Variants in CD96 observed in about 807,000 individuals in gnomAD.
CD96 encodes the protein CD96 molecule.
A neutral mutation model predicts 71.3 loss-of-function variants in CD96; 70 were observed. That is an observed-to-expected ratio of 0.98 (90% CI 0.81 to 1.20). CD96 has a LOEUF of 1.20. CD96 is among the 50% of genes most tolerant of loss of function. The pLI is 0.00. For synonymous variants in CD96, 248 were observed against 233.0 expected, an observed-to-expected ratio of 1.06 and a Z score of -0.59; for missense variants, 742 against 677.5, an observed-to-expected ratio of 1.10 and a Z score of -1.06.
At chr3:111,624,453 A>G (rs1256408297) in intron 10 of CD96, 49 bp downstream of exon 10, 4 of 1,006,068 alleles carry the variant, frequency 4.0e-6, no homozygotes, top group African/African-American at 3.2e-5. Context: ...TCAGTCATTC[A>G]TCCGACAGAT....
At chr3:111,597,234 A>G (rs1430616218) in intron 5 of CD96, among the ~76,000 whole-genome samples, 1 of 152,238 alleles carries the variant, frequency 6.6e-6, no homozygotes, top group Admixed American at 6.5e-5. Context: ...AAAAGGAATT[A>G]TAATTTTGAA....
chr3:111,594,211 T>C (rs1268633556), intron 5 of CD96: 1 of 1,574,176 alleles, frequency 6.4e-7, no homozygotes, highest in Admixed American at 1.8e-5. Flanking sequence ...TGTCACCTCT[T>C]CTACAGCGTT....
chr3:111,649,914 T>G lies in CD96; in HGVS notation c.*108T>G, dbSNP rs576016406. ...TCTTCAGCCATGCCTTTGCTGCAGC[T>G]GAAATGGAAGTCAGAAGTGAGTGAC... On this transcript the variant is annotated 3_prime_UTR_variant, in exon 14 of 14. Transcript: ENST00000352690. 5 of 794,014 alleles carry G rather than the reference T, an allele frequency of 6.3e-6. No individual in the cohort carries two copies. Among genetic ancestry groups the G allele is most frequent in the South Asian group, 4.2e-5 (3 of 71,514 alleles). The allele number at this position is 794,014 out of a possible 1,614,324, so 49.2% of individuals were successfully genotyped here. A position where few individuals can be genotyped will look rare whatever the true frequency, so the allele number is the denominator to read the frequency against.
chr3:111,662,431 T>C (rs1269002384), intron 14 of CD96, among the ~76,000 whole-genome samples: 2 of 152,228 alleles, frequency 1.3e-5, no homozygotes, highest in Admixed American at 6.5e-5. Flanking sequence ...GGATTTTTCT[T>C]TTCTACCACA....
At chr3:111,579,962 C>A (rs1245792224) in intron 4 of CD96, among the ~76,000 whole-genome samples, 11 of 152,216 alleles carry the variant, frequency 7.2e-5, no homozygotes, top group Non-Finnish European at 1.6e-4. Flanking sequence ...TACTGGAAAT[C>A]TCTTTAATTG....
intron 13 of CD96, among the ~76,000 whole-genome samples, chr3:111,648,370 A>G (rs1357244620): frequency 1.3e-5 from 2 of 152,194 alleles, no homozygotes; most frequent in Non-Finnish European, 2.9e-5. Flanking sequence ...CCATTGTGCC[A>G]TATACTTTCC....
intron 3 of CD96, among the ~76,000 whole-genome samples, chr3:111,574,321 C>T (rs1413264986): frequency 6.6e-6 from 1 of 152,104 alleles, no homozygotes; most frequent in Non-Finnish European, 1.5e-5. Flanking sequence ...ACATGATGCT[C>T]AAAAGAAATG....
At chr3:111,611,270 G>A (rs1037856225) in intron 8 of CD96, among the ~76,000 whole-genome samples, 7 of 152,064 alleles carry the variant, frequency 4.6e-5, no homozygotes, top group African/African-American at 1.4e-4. Flanking sequence ...ACTGATCTTC[G>A]GCAAGTGGAT....
At chr3:111,597,194 AC>A (rs1235931699) in intron 5 of CD96, among the ~76,000 whole-genome samples, 6 of 152,234 alleles carry the variant, frequency 3.9e-5, no homozygotes, top group Non-Finnish European at 7.3e-5. Context: ...TAAAATATAT[AC>A]ATCTCTTGAT....
chr3:111,655,098 AT>A, downstream of CD96, among the ~76,000 whole-genome samples: 1 of 152,360 alleles, frequency 6.6e-6, no homozygotes, highest in Middle Eastern at 3.4e-3. Context: ...GATAAGCCTA[AT>A]TCCACTCTTA....
In CD96 at chr3:111,600,927, T is replaced by C. The variant is rs769287355; in HGVS notation, c.1087+13T>C. On this transcript the variant is annotated intron_variant, in intron 7 of 13. Transcript: ENST00000352690. ...ACTTTTCTCTTAGGTGAGTTGTCTA[T>C]TTAATAAGATCAACAAGAGTTTGCT... 29 of 1,531,986 alleles carry C rather than the reference T, an allele frequency of 1.9e-5. No individual in the cohort carries two copies. Among genetic ancestry groups the C allele is most frequent in the Middle Eastern group, 1.7e-4 (1 of 5,894 alleles). The allele number at this position is 1,531,986 out of a possible 1,614,324, so 94.9% of individuals were successfully genotyped here.
intron 12 of CD96, among the ~76,000 whole-genome samples, chr3:111,643,871 T>A (rs138748225): frequency 1.8e-3 from 274 of 152,284 alleles, no homozygotes; most frequent in Non-Finnish European, 2.8e-3. Flanking sequence ...CCCATGCTCA[T>A]GGATGGGTAT....
At chr3:111,657,113 CAGGTGGATT>C (rs1452428361), downstream of CD96, among the ~76,000 whole-genome samples, 34 of 151,848 alleles carry the variant, frequency 2.2e-4, no homozygotes, top group African/African-American at 8.2e-4. Context: ...TAATCCAGGC[CAGGTGGATT>C]AGTTTTTAGG....
At position 111,643,254 on chromosome 3, in the gene CD96, CA is replaced by C. The variant is rs796274312; in HGVS notation, c.1478-4280del. 5.3e-4 allele frequency among the ~76,000 whole-genome samples: 80 copies of C among 151,070 alleles called. 1 individual carries two copies. The highest frequency in any genetic ancestry group is 1.7e-3 in the African/African-American group (71 of 41,206). On this transcript the variant is annotated intron_variant, in intron 12 of 13. Coordinates refer to ENST00000352690, the MANE Select transcript of CD96 (RefSeq NM_005816.5). ...AATCACATGATCATCTCAATTGATA[CA>C]AAAAAAAATTCAACAAAATCCAACA...
chr3:111,585,446 C>G, intron 5 of CD96, 68 bp downstream of exon 5: 1 of 1,006,512 alleles, frequency 9.9e-7, no homozygotes, highest in Non-Finnish European at 1.6e-6. Flanking sequence ...TGCATAGTTG[C>G]CAGGAATGTT....
At chr3:111,579,759 A>G (rs1363149848) in intron 4 of CD96, among the ~76,000 whole-genome samples, 1 of 152,056 alleles carries the variant, frequency 6.6e-6, no homozygotes, top group Non-Finnish European at 1.5e-5. Context: ...CCATTAATCC[A>G]TGAATGGATT....
chr3:111,639,210 G>A (rs1230260280), intron 12 of CD96, among the ~76,000 whole-genome samples: 1 of 152,184 alleles, frequency 6.6e-6, no homozygotes, highest in Non-Finnish European at 1.5e-5. Flanking sequence ...AATACTCTGG[G>A]AGGTGGATAG....
At chr3:111,594,991 A>G (rs1937187280) in intron 5 of CD96, 1 of 167,102 alleles carries the variant, frequency 6.0e-6, no homozygotes, top group African/African-American at 2.4e-5. Context: ...GGTGGAGCAC[A>G]TCTTCACAAA....
Position 111,645,152 on chromosome 3 carries a change from G to GTA in CD96, c.1478-2377_1478-2376dup, listed in dbSNP as rs140591292. The stretch of plus-strand genomic sequence containing the variant: ...AATGAGTGGATAAAGAAACCGTGGT[G>GTA]TATATATATATATATGCACTATGGA... On this transcript the variant is annotated intron_variant, in intron 12 of 13. Transcript: ENST00000352690. 6.7e-3 allele frequency among the ~76,000 whole-genome samples: 1,007 copies of GTA among 149,778 alleles called. 11 individuals carry two copies. The highest frequency in any genetic ancestry group is 0.035 in the East Asian group (181 of 5,134).
Sources: allele counts gnomAD v4.1 joint callset (sites outside exome capture counted in the v4.1 genomes callset), GRCh38; gene constraint gnomAD v4.1.1; transcripts MANE v1.5; gene names NCBI Gene and HGNC (gene_info 2026-07-23, HGNC 2026-07-21).